PTPRE: variants seen among roughly 807,000 people sequenced by gnomAD.
The protein encoded by PTPRE is protein tyrosine phosphatase receptor type E, also known as receptor-type tyrosine-protein phosphatase epsilon.
In PTPRE, 51 loss-of-function variants were observed where a neutral mutation model predicts 102.0. The ratio of observed to expected loss-of-function variants is 0.50; its 90% CI spans 0.40 to 0.63. The LOEUF (loss-of-function observed/expected upper bound fraction) is 0.63. PTPRE is among the 30% of genes least tolerant of loss of function. The pLI is 0.00. For synonymous variants in PTPRE, 345 were observed against 348.2 expected (o/e 0.99, Z 0.10); for missense variants, 752 against 915.1 (o/e 0.82, Z 2.30).
chr10:127,987,117 C>G (rs902381791), intron 2 of PTPRE, among the ~76,000 whole-genome samples: 2 of 152,212 alleles, frequency 1.3e-5, no homozygotes, highest in Non-Finnish European at 2.9e-5. Flanking sequence ...CTCCCTCCCC[C>G]CGGAAAGTTT....
intron 1 of PTPRE, among the ~76,000 whole-genome samples, chr10:127,947,428 C>T (rs929077943): frequency 6.6e-6 from 1 of 152,200 alleles, no homozygotes; most frequent in Non-Finnish European, 1.5e-5. Flanking sequence ...GGCCCATTCT[C>T]CCCTATGCTG....
chr10:127,961,345 T>C (rs1849795261), intron 1 of PTPRE, among the ~76,000 whole-genome samples: 1 of 152,016 alleles, frequency 6.6e-6, no homozygotes, highest in South Asian at 2.1e-4. Flanking sequence ...TGTGGGCTTG[T>C]TGGGGAGGTG....
intron 20 of PTPRE, among the ~76,000 whole-genome samples, chr10:128,079,996 T>A (rs1851560163): frequency 6.6e-6 from 1 of 152,160 alleles, no homozygotes; most frequent in African/African-American, 2.4e-5. Flanking sequence ...AGTGAACTAT[T>A]CTACGAGAGT....
intron 2 of PTPRE, among the ~76,000 whole-genome samples, chr10:127,993,297 C>T (rs926334276): frequency 1.8e-4 from 27 of 152,286 alleles, no homozygotes; most frequent in Non-Finnish European, 3.4e-4. Flanking sequence ...TGACAATTCG[C>T]GCTATCAGAG....
Position 128,070,158 on chromosome 10 carries a change from G to A in PTPRE, c.1144-143G>A. On this transcript the variant is annotated intron_variant, in intron 13 of 20. Coordinates refer to ENST00000254667, the MANE Select transcript of PTPRE (RefSeq NM_006504.6). This position sits in a 1 kb window ranked among gnomAD's most constrained non-coding sequence, Gnocchi z 4.8. ...CATAAATGGTCGTTATCCGTGGCCG[G>A]TACTCTGACTCTTGCCTCACACCTC... The A allele has an allele frequency of 1.0e-6, 1 of 987,112 alleles. No individual in the cohort carries two copies. The highest frequency in any genetic ancestry group is 1.5e-6 in the Non-Finnish European group (1 of 676,864). 61.1% of individuals were successfully genotyped at this position (987,112 alleles called of 1,614,324 possible). A position where few individuals can be genotyped will look rare whatever the true frequency, so the allele number is the denominator to read the frequency against.
intron 1 of PTPRE, among the ~76,000 whole-genome samples, chr10:127,923,181 A>G (rs917824452): frequency 2.0e-5 from 3 of 152,216 alleles, no homozygotes; most frequent in Non-Finnish European, 4.4e-5. Context: ...AGAAATGTCC[A>G]GTGTTTTCTC....
intron 1 of PTPRE, among the ~76,000 whole-genome samples, chr10:127,947,868 G>A (rs1278246598): frequency 1.3e-5 from 2 of 152,192 alleles, no homozygotes; most frequent in African/African-American, 4.8e-5. Context: ...GTAGGTCAGG[G>A]AGTGGGGAAA....
At chr10:128,030,234 G>A (rs961598272) in intron 2 of PTPRE, among the ~76,000 whole-genome samples, 2 of 152,230 alleles carry the variant, frequency 1.3e-5, no homozygotes, top group Non-Finnish European at 2.9e-5. Flanking sequence ...GGCGAACAAC[G>A]GGGCCACGCC....
intron 16 of PTPRE, among the ~76,000 whole-genome samples, chr10:128,072,899 T>C (rs1850906700): frequency 6.6e-6 from 1 of 152,188 alleles, no homozygotes; most frequent in Non-Finnish European, 1.5e-5. Context: ...GCTGTCTTCA[T>C]GCACAGTGGA....
chr10:127,943,459 CTTTCCCGTCGTCT>C (rs1848394925), intron 1 of PTPRE, among the ~76,000 whole-genome samples: 1 of 152,192 alleles, frequency 6.6e-6, no homozygotes, highest in South Asian at 2.1e-4. Flanking sequence ...CATGCGAGAA[CTTTCCCGTCGTCT>C]TCTCCCATGC....
chr10:127,984,196 C>T (rs891719486), intron 2 of PTPRE, among the ~76,000 whole-genome samples: 2 of 151,834 alleles, frequency 1.3e-5, no homozygotes, highest in Admixed American at 1.3e-4. Context: ...ATTCTCCTGC[C>T]TCAGCCTCCC....
At chr10:128,041,044 G>A in intron 3 of PTPRE, 54 bp downstream of exon 3, 1 of 1,480,294 alleles carries the variant, frequency 6.8e-7, no homozygotes, top group Non-Finnish European at 9.4e-7. Context: ...TAAGCTCCTG[G>A]GACCATTCAG....
chr10:127,970,027 G>C (rs575613830), intron 1 of PTPRE, among the ~76,000 whole-genome samples: 35 of 152,262 alleles, frequency 2.3e-4, no homozygotes, highest in Admixed American at 4.6e-4. Flanking sequence ...ACCTCGAGCT[G>C]AATGTTCAAA....
chr10:127,950,659 G>A (rs1351934864), intron 1 of PTPRE, among the ~76,000 whole-genome samples: 1 of 152,202 alleles, frequency 6.6e-6, no homozygotes, highest in African/African-American at 2.4e-5. Context: ...TTGGATCCTG[G>A]GGTGGCAGGG....
At chr10:128,047,287 A>C in intron 3 of PTPRE, 103 bp from the exon 4 acceptor site, 1 of 1,445,034 alleles carries the variant, frequency 6.9e-7, no homozygotes, top group Non-Finnish European at 9.2e-7. Flanking sequence ...TACAAAATAT[A>C]GTTTGGGGTT....
At chr10:128,076,318 A>G (rs1409538889) in intron 17 of PTPRE, among the ~76,000 whole-genome samples, 1 of 151,984 alleles carries the variant, frequency 6.6e-6, no homozygotes, top group African/African-American at 2.4e-5. Context: ...ATCCAATTTC[A>G]TTTTCCCCAG....
Position 128,028,769 on chromosome 10 carries a change from G to A in PTPRE, c.-7-12106G>A, listed in dbSNP as rs1287202592. Among the ~76,000 whole-genome samples the A allele has an allele frequency of 6.6e-6, 1 of 152,092 alleles. No individual in the cohort carries two copies. The highest frequency in any genetic ancestry group is 1.9e-4 in the East Asian group (1 of 5,162). ...CCCAGGAAGAAGCCTCCATCCCTGC[G>A]GAGGGCTTGAGACCCTCTGGGATGC... is the stretch of plus-strand genomic sequence containing the variant. On this transcript the variant is annotated intron_variant, in intron 2 of 20. Coordinates refer to ENST00000254667, the MANE Select transcript of PTPRE (RefSeq NM_006504.6). The surrounding 1 kb of genome is among the most constrained non-coding windows in gnomAD (Gnocchi z 4.5).
chr10:128,040,327 G>A (rs1404705779), intron 2 of PTPRE, among the ~76,000 whole-genome samples: 4 of 152,192 alleles, frequency 2.6e-5, no homozygotes, highest in African/African-American at 9.7e-5. Context: ...GGCTGCAGCT[G>A]GGTGATGAGG....
chr10:127,912,338 A>C (rs1390249408), intron 1 of PTPRE, among the ~76,000 whole-genome samples: 1 of 152,242 alleles, frequency 6.6e-6, no homozygotes, highest in Non-Finnish European at 1.5e-5. Context: ...ATTGATTCCC[A>C]ATGAAATAGG....
Sources: allele counts gnomAD v4.1 joint callset (sites outside exome capture counted in the v4.1 genomes callset), GRCh38; gene constraint gnomAD v4.1.1; non-coding constraint Gnocchi (gnomAD v3.1); transcripts MANE v1.5; gene names NCBI Gene and HGNC (gene_info 2026-07-23, HGNC 2026-07-21).